The following PARP16 variants were observed in gnomAD, a reference collection of about 807,000 sequenced individuals.
PARP16 encodes the protein poly(ADP-ribose) polymerase family member 16.
In PARP16, 31 loss-of-function variants were observed where a neutral mutation model predicts 35.0. The ratio of observed to expected loss-of-function variants is 0.88; its 90% CI spans 0.66 to 1.19. The LOEUF is 1.19. Among genes scored for constraint, PARP16 ranks in the 50% most tolerant of loss-of-function variants. The probability of loss-of-function intolerance (pLI) is 0.00; values close to 1 mark genes in which losing one functional copy is unlikely to be tolerated. For missense variants in PARP16, 424 were observed against 411.2 expected, an observed-to-expected ratio of 1.03 and a Z score of -0.27; for synonymous variants, 162 against 169.5, an observed-to-expected ratio of 0.96 and a Z score of 0.34.
intron 3 of PARP16, among the ~76,000 whole-genome samples, chr15:65,238,767 A>G (rs1367570695): frequency 6.6e-6 from 1 of 152,184 alleles, no homozygotes; most frequent in Non-Finnish European, 1.5e-5. Context: ...CATGCAATTA[A>G]TTGCACACTT....
At chr15:65,285,287 G>A (rs954617271) in intron 1 of PARP16, among the ~76,000 whole-genome samples, 2 of 151,934 alleles carry the variant, frequency 1.3e-5, no homozygotes, top group African/African-American at 2.4e-5. Flanking sequence ...ACAGGCATGC[G>A]CCACCACGCC....
Position 65,271,078 on chromosome 15 carries a change from G to A in PARP16, c.175-6C>T. ...AACTTGCTGGCATCTGCAAGCTGAA[G>A]CGACGGAAGAACTTCCATTAGCAAG... On this transcript the variant is annotated splice_polypyrimidine_tract_variant and splice_region_variant and intron_variant, in intron 1 of 5. Coordinates refer to ENST00000649807, the MANE Select transcript of PARP16 (RefSeq NM_001316943.2). 1.2e-6 allele frequency: 2 copies of A among 1,614,016 alleles called. No individual in the cohort carries two copies. The highest frequency in any genetic ancestry group is 1.7e-6 in the Non-Finnish European group (2 of 1,179,942).
intron 2 of PARP16, among the ~76,000 whole-genome samples, chr15:65,249,703 G>A (rs2089303594): frequency 6.6e-6 from 1 of 152,244 alleles, no homozygotes; most frequent in Non-Finnish European, 1.5e-5. Context: ...AGCAGCCCCT[G>A]GATGCAAGGT....
chr15:65,286,175 G>A, intron 1 of PARP16, 78 bp downstream of exon 1: 1 of 1,169,240 alleles, frequency 8.6e-7, no homozygotes, highest in Middle Eastern at 2.0e-4. Flanking sequence ...TAATGCGGAT[G>A]GAACTGCCTC....
chr15:65,244,392 C>A (rs1014108951), intron 3 of PARP16, among the ~76,000 whole-genome samples: 6 of 152,252 alleles, frequency 3.9e-5, no homozygotes, highest in Non-Finnish European at 8.8e-5. Context: ...GCTTGGAGGC[C>A]TCACAATCAT....
At position 65,269,174 on chromosome 15, in the gene PARP16, T is replaced by TCTCTCTCTC. The variant is rs60229565; in HGVS notation, c.312+1760_312+1761insGAGAGAGAG. ...TCACACCTGGCCCATTTTAGTCGGTTTTTTTCTTTCTTTCTTTCTTTCTTT... is the reference window on the plus strand; with the variant it reads ...TCACACCTGGCCCATTTTAGTCGGTTCTCTCTCTCTTTTTCTTTCTTTCTTTCTTTCTTT... On this transcript the variant is annotated intron_variant, in intron 2 of 5. Coordinates refer to ENST00000649807, the MANE Select transcript of PARP16 (RefSeq NM_001316943.2). Among the ~76,000 whole-genome samples the TCTCTCTCTC allele has an allele frequency of 9.3e-3, 1,366 of 146,820 alleles. 24 individuals are homozygous for TCTCTCTCTC. Among genetic ancestry groups the TCTCTCTCTC allele is most frequent in the Admixed American group, 0.037 (541 of 14,528 alleles).
At chr15:65,231,606 C>G (rs1172897315), downstream of PARP16, among the ~76,000 whole-genome samples, 1 of 151,932 alleles carries the variant, frequency 6.6e-6, no homozygotes, top group Admixed American at 6.6e-5. Flanking sequence ...CACCACCACT[C>G]CCAGCTAATA....
At chr15:65,236,176 A>G (rs1262402504) in intron 3 of PARP16, among the ~76,000 whole-genome samples, 1 of 152,056 alleles carries the variant, frequency 6.6e-6, no homozygotes, top group Non-Finnish European at 1.5e-5. Context: ...CATGTTTTAA[A>G]CCCACCACAT....
chr15:65,252,999 A>G (rs2140787521), intron 2 of PARP16, among the ~76,000 whole-genome samples: 1 of 152,152 alleles, frequency 6.6e-6, no homozygotes, highest in East Asian at 2.0e-4. Context: ...ACATGGTGGC[A>G]CATGCCTGTA....
intron 3 of PARP16, among the ~76,000 whole-genome samples, chr15:65,237,055 T>C (rs1823841459): frequency 1.3e-5 from 2 of 151,818 alleles, no homozygotes; most frequent in African/African-American, 4.8e-5. Flanking sequence ...TATGAACACA[T>C]TTACAACTTA....
In PARP16 at chr15:65,263,398, T is replaced by C. The variant is rs2089800148; in HGVS notation, c.520-78A>G. On this transcript the variant is annotated intron_variant, in intron 3 of 5. Coordinates refer to ENST00000649807, the MANE Select transcript of PARP16 (RefSeq NM_001316943.2). The stretch of plus-strand genomic sequence containing the variant: ...GGCACGGCAAGACGACACAGGTCTC[T>C]CTTCAAGAGTTGTAAACACAAAATG... 3.3e-6 allele frequency: 4 copies of C among 1,224,910 alleles called. No homozygotes were observed. The African/African-American group carries it at 6.1e-5, about 19-fold the overall frequency. The allele number at this position is 1,224,910 out of a possible 1,614,324, so 75.9% of individuals were successfully genotyped here. A position where few individuals can be genotyped will look rare whatever the true frequency, so the allele number is the denominator to read the frequency against.
rs758350761 is a variant in PARP16 at position 65,239,424 on chromosome 15, T to TAAAAAAAA, written c.*98-4609_*98-4602dup. Among the ~76,000 whole-genome samples the TAAAAAAAA allele has an allele frequency of 0.014, 97 of 6,948 alleles. 3 individuals are homozygous for TAAAAAAAA. In the East Asian group the frequency reaches 0.18, roughly 13 times the overall value. The allele number at this position is 6,948 out of a possible 152,430, so 4.6% of individuals were successfully genotyped here. ...CCTGGCAACAGAGCAAGACTTTGCC[T>TAAAAAAAA]AAAAAAAAAAAAAAAAAAAAAAAAA... On this transcript the variant is annotated intron_variant and NMD_transcript_variant, in intron 3 of 3. Coordinates refer to the PARP16 transcript ENST00000559805.
intron 5 of PARP16, among the ~76,000 whole-genome samples, chr15:65,260,125 G>A (rs182435353): frequency 1.4e-4 from 21 of 152,294 alleles, no homozygotes; most frequent in Admixed American, 9.8e-4. Context: ...AATTTGGACA[G>A]GGGTCGGGAG....
At chr15:65,239,829 TG>T (rs938812966) in intron 3 of PARP16, among the ~76,000 whole-genome samples, 14 of 150,314 alleles carry the variant, frequency 9.3e-5, no homozygotes, top group Middle Eastern at 3.4e-3. Context: ...GCTAATTTTT[TG>T]TATTTTTAGT....
downstream of PARP16, among the ~76,000 whole-genome samples, chr15:65,256,852 G>GAA (rs2089528394): frequency 2.0e-5 from 3 of 152,148 alleles, no homozygotes; most frequent in Non-Finnish European, 2.9e-5. Flanking sequence ...CCTACTGCCT[G>GAA]AAACACTTTT....
chr15:65,246,483 C>T (rs547609523), intron 3 of PARP16, among the ~76,000 whole-genome samples: 15 of 152,330 alleles, frequency 9.8e-5, no homozygotes, highest in East Asian at 1.9e-4. Flanking sequence ...GGGAGGCAGA[C>T]GCCCTCCGCC....
Position 65,269,174 on chromosome 15 carries a change from T to C in PARP16, c.312+1761A>G, listed in dbSNP as rs867901756. ...TCACACCTGGCCCATTTTAGTCGGT[T>C]TTTTTCTTTCTTTCTTTCTTTCTTT... On this transcript the variant is annotated intron_variant, in intron 2 of 5. Transcript: ENST00000649807. Among the ~76,000 whole-genome samples the C allele has an allele frequency of 5.2e-4, 76 of 146,814 alleles. 2 individuals carry two copies. Among genetic ancestry groups the C allele is most frequent in the African/African-American group, 1.1e-3 (43 of 39,840 alleles).
downstream of PARP16, among the ~76,000 whole-genome samples, chr15:65,233,258 A>C (rs1392809796): frequency 6.6e-6 from 1 of 152,020 alleles, no homozygotes; most frequent in Non-Finnish European, 1.5e-5. Context: ...CTAAAAATAC[A>C]AAAAAATTAG....
intron 3 of PARP16, among the ~76,000 whole-genome samples, chr15:65,240,003 G>C (rs1164151048): frequency 1.6e-5 from 2 of 121,320 alleles, no homozygotes; most frequent in Non-Finnish European, 1.6e-5. Flanking sequence ...CGTCACCCAG[G>C]CTGGCGTGCA....
Sources: gnomAD v4.1 joint callset for allele counts (sites outside exome capture counted in the v4.1 genomes callset) on GRCh38, gnomAD v4.1.1 for gene constraint, MANE v1.5 for transcripts, NCBI Gene and HGNC (gene_info 2026-07-23, HGNC 2026-07-21) for gene names.